The following RASGEF1C variants were observed in gnomAD, a reference collection of about 807,000 sequenced individuals.
RASGEF1C encodes ras-GEF domain-containing family member 1C.
In RASGEF1C, 27 loss-of-function variants were observed where a neutral mutation model predicts 58.1. The observed-to-expected ratio is 0.46, with a 90% CI of 0.34 to 0.64. The LOEUF (loss-of-function observed/expected upper bound fraction) is 0.64, where lower values mean the gene tolerates loss of function less well. Among genes scored for constraint, RASGEF1C ranks in the 30% least tolerant of loss-of-function variants. The pLI is 0.01. For missense variants in RASGEF1C, 502 were observed against 605.1 expected, an observed-to-expected ratio of 0.83 and a Z score of 1.79; for synonymous variants, 243 against 246.3, an observed-to-expected ratio of 0.99 and a Z score of 0.13.
intron 12 of RASGEF1C, among the ~76,000 whole-genome samples, chr5:180,105,218 C>T (rs575689176): frequency 1.7e-4 from 26 of 152,296 alleles, no homozygotes; most frequent in African/African-American, 5.5e-4. Flanking sequence ...CATCATTTAA[C>T]GGAAGCACTT....
intron 4 of RASGEF1C, among the ~76,000 whole-genome samples, chr5:180,133,649 A>G (rs1275478618): frequency 6.7e-6 from 1 of 150,182 alleles, no homozygotes. Flanking sequence ...AGCAAAGCCT[A>G]TGTCTATGGT....
intron 1 of RASGEF1C, among the ~76,000 whole-genome samples, chr5:180,182,582 T>C (rs1052106364): frequency 3.3e-5 from 5 of 152,204 alleles, no homozygotes; most frequent in Admixed American, 6.5e-5. Context: ...TAGTGTTGAT[T>C]GGTGCATTTT....
chr5:180,119,269 G>T, intron 8 of RASGEF1C, 77 bp downstream of exon 8: 1 of 1,240,788 alleles, frequency 8.1e-7, no homozygotes, highest in African/African-American at 1.5e-5. Context: ...CTTGCACTCT[G>T]CCTGCCTGGC....
At chr5:180,176,763 G>A (rs140775573) in intron 1 of RASGEF1C, among the ~76,000 whole-genome samples, 4,067 of 152,064 alleles carry the variant, frequency 0.027, 69 homozygotes, top group African/African-American at 0.046. Flanking sequence ...TCACCATGTT[G>A]GCCAGGATGG....
At chr5:180,160,024 A>C (rs1289593951) in intron 1 of RASGEF1C, among the ~76,000 whole-genome samples, 1 of 152,198 alleles carries the variant, frequency 6.6e-6, no homozygotes, top group Non-Finnish European at 1.5e-5. Context: ...TCTTGATACC[A>C]AAAATTTGCC....
rs1767250330 is a variant in RASGEF1C at position 180,177,484 on chromosome 5, A to T, written c.-7+31544T>A. 6.6e-6 allele frequency among the ~76,000 whole-genome samples: 1 copy of T among 152,334 alleles called. No homozygotes were observed. Among genetic ancestry groups the T allele is most frequent in the East Asian group, 1.9e-4 (1 of 5,172 alleles). On this transcript the variant is annotated intron_variant, in intron 1 of 13. Coordinates refer to ENST00000361132, the MANE Select transcript of RASGEF1C (RefSeq NM_175062.4). The surrounding 1 kb of genome is among the most constrained non-coding windows in gnomAD (Gnocchi z 5.0). ...GCAGAGCCCCGGGCTTCCTTCCGGG[A>T]CCCCTGCCAAGGCTCAGCCCTGCTG...
intron 4 of RASGEF1C, among the ~76,000 whole-genome samples, chr5:180,131,570 C>T (rs1458805148): frequency 6.6e-6 from 1 of 152,220 alleles, no homozygotes; most frequent in African/African-American, 2.4e-5. Context: ...CCCTGGACCA[C>T]AAGCTCCACA....
chr5:180,130,393 G>A (rs1347366451), intron 4 of RASGEF1C, among the ~76,000 whole-genome samples: 1 of 152,208 alleles, frequency 6.6e-6, no homozygotes, highest in Non-Finnish European at 1.5e-5. Context: ...GGGAAGATGG[G>A]GAGTGGGGCG....
intron 3 of RASGEF1C, chr5:180,136,883 T>G: frequency 4.2e-6 from 1 of 236,714 alleles, no homozygotes; most frequent in Middle Eastern, 1.5e-3. Context: ...AGTGATTGGC[T>G]CACAGGTGGC....
chr5:180,200,905 G>C (rs776059982), intron 1 of RASGEF1C, among the ~76,000 whole-genome samples: 9 of 152,112 alleles, frequency 5.9e-5, no homozygotes, highest in Non-Finnish European at 1.2e-4. Flanking sequence ...TGGGAATGAG[G>C]AGAGGGGAGC....
chr5:180,192,341 T>C (rs923100924), intron 1 of RASGEF1C, among the ~76,000 whole-genome samples: 1 of 152,144 alleles, frequency 6.6e-6, no homozygotes. Flanking sequence ...AAACTAATCA[T>C]GCCGGATGAA....
At chr5:180,135,040 T>G in intron 4 of RASGEF1C, among the ~76,000 whole-genome samples, 1 of 64,346 alleles carries the variant, frequency 1.6e-5, no homozygotes, top group South Asian at 5.9e-4. Flanking sequence ...GTTTCCGCTG[T>G]CCCCACCCCC....
intron 12 of RASGEF1C, among the ~76,000 whole-genome samples, chr5:180,105,861 C>G (rs1765867995): frequency 6.6e-6 from 1 of 151,676 alleles, no homozygotes; most frequent in South Asian, 2.1e-4. Context: ...GAGCGAGACT[C>G]TGTCTCAAAA....
At chr5:180,136,051 A>C (rs1204603680) in intron 4 of RASGEF1C, among the ~76,000 whole-genome samples, 1 of 152,182 alleles carries the variant, frequency 6.6e-6, no homozygotes, top group Non-Finnish European at 1.5e-5. Context: ...CTCCGTGGCC[A>C]AGGCCCAGGA....
intron 1 of RASGEF1C, among the ~76,000 whole-genome samples, chr5:180,150,302 C>T (rs1206765680): frequency 7.2e-5 from 11 of 152,138 alleles, no homozygotes; most frequent in Admixed American, 2.0e-4. Flanking sequence ...TGCTACTTCA[C>T]GTCTTTGCAC....
intron 11 of RASGEF1C, 115 bp downstream of exon 11, chr5:180,114,331 T>A: frequency 1.1e-6 from 1 of 947,884 alleles, no homozygotes; most frequent in South Asian, 1.5e-5. Flanking sequence ...GGCTGTGAAC[T>A]GCTCATTCTG....
intron 1 of RASGEF1C, among the ~76,000 whole-genome samples, chr5:180,176,064 G>A (rs1258826605): frequency 6.6e-6 from 1 of 152,242 alleles, no homozygotes; most frequent in Non-Finnish European, 1.5e-5. Flanking sequence ...ACTGTGTTCA[G>A]TCATCAGCCC....
chr5:180,101,965 T>C (rs1765792800), intron 13 of RASGEF1C, 106 bp downstream of exon 13: 2 of 817,076 alleles, frequency 2.4e-6, no homozygotes, highest in Non-Finnish European at 4.1e-6. Context: ...CCCTCGGCCC[T>C]GTCCTGGTCC....
Position 180,136,630 on chromosome 5 carries a change from C to G in RASGEF1C, c.301-115G>C, listed in dbSNP as rs865944206. ...GGGCAGGCAGGGCCTCGTGCCCTCT[C>G]TGTGCCAGGGAGGAGGAGGGGGGTG... On this transcript the variant is annotated intron_variant, in intron 3 of 13. Coordinates refer to ENST00000361132, the MANE Select transcript of RASGEF1C (RefSeq NM_175062.4). 22 of 1,221,332 alleles carry G rather than the reference C, an allele frequency of 1.8e-5. 1 individual carries two copies. In the African/African-American group the frequency reaches 2.0e-4, roughly 11 times the overall value. The allele number at this position is 1,221,332 out of a possible 1,614,324, so 75.7% of individuals were successfully genotyped here.
Sources: allele counts gnomAD v4.1 joint callset (sites outside exome capture counted in the v4.1 genomes callset), GRCh38; gene constraint gnomAD v4.1.1; non-coding constraint Gnocchi (gnomAD v3.1); transcripts MANE v1.5; gene names NCBI Gene and HGNC (gene_info 2026-07-23, HGNC 2026-07-21).